Variants in AMN observed in about 807,000 individuals in gnomAD.
AMN encodes amnion associated transmembrane protein.
A neutral mutation model predicts 49.1 loss-of-function variants in AMN; 40 were observed. The observed-to-expected ratio is 0.81, with a 90% confidence interval of 0.63 to 1.06. AMN has a LOEUF of 1.06. Ranked by LOEUF, AMN falls within the 50% of genes least tolerant of loss-of-function variation. AMN has a pLI of 0.00. For missense variants in AMN, 701 were observed against 662.8 expected (o/e 1.06, Z -0.63); for synonymous variants, 380 against 313.3 (o/e 1.21, Z -2.25).
Position 102,923,736 on chromosome 14 carries a change from C to G in AMN, c.69C>G (p.Leu23=). The change falls in exon 2 of 12, where the codon CTC becomes CTG. Residue 23 remains leucine (L), a synonymous_variant. Coordinates refer to ENST00000299155, the MANE Select transcript of AMN (RefSeq NM_030943.4). ...LCALTQAVSK[L]WVPNTDFDVA... The stretch of plus-strand genomic sequence containing the variant: ...CACTGACCCAGGCGGTCTCCAAACT[C>G]TGGGTCCCCAACACGGACTTCGACG... 6.2e-7 allele frequency: 1 copy of G among 1,612,828 alleles called. No homozygotes were observed. The highest frequency in any genetic ancestry group is 8.5e-7 in the Non-Finnish European group (1 of 1,179,880).
intron 3 of AMN, among the ~76,000 whole-genome samples, chr14:102,925,088 G>T (rs941102326): frequency 1.3e-5 from 2 of 152,234 alleles, no homozygotes; most frequent in African/African-American, 4.8e-5. Context: ...TGCAGGCCAA[G>T]CCTCTGGGCA....
chr14:102,923,566 G>C lies in AMN; in HGVS notation c.44-145G>C, dbSNP rs111872449. The stretch of plus-strand genomic sequence containing the variant: ...CACAGTCTGGCCGGGAGGGACCAGG[G>C]TCTGGGTCCGGGCCCCCGGGGATGG... On this transcript the variant is annotated intron_variant, in intron 1 of 11. Coordinates refer to ENST00000299155, the MANE Select transcript of AMN (RefSeq NM_030943.4). The C allele has an allele frequency of 3.9e-4, 305 of 785,904 alleles. No individual in the cohort carries two copies. The African/African-American group carries it at 4.8e-3, about 12-fold the overall frequency. 48.7% of individuals were successfully genotyped at this position (785,904 alleles called of 1,614,324 possible).
intron 3 of AMN, 49 bp downstream of exon 3, chr14:102,924,028 T>C: frequency 1.2e-6 from 2 of 1,612,654 alleles, no homozygotes; most frequent in Non-Finnish European, 1.7e-6. Flanking sequence ...ACAGAGTCTC[T>C]GAAGCGCCTT....
intron 2 of AMN, 35 bp from the exon 3 acceptor site, chr14:102,923,900 G>T (rs768142079): frequency 3.7e-6 from 6 of 1,613,012 alleles, no homozygotes; most frequent in Admixed American, 1.7e-5. Context: ...GGTGGGGGTT[G>T]CTCCCGGCTC....
intron 5 of AMN, 41 bp from the exon 6 acceptor site, chr14:102,929,080 C>A: frequency 6.3e-7 from 1 of 1,597,502 alleles, no homozygotes; most frequent in Non-Finnish European, 8.5e-7. Context: ...GGTGAAGTCT[C>A]TTCCTCGGGC....
At chr14:102,922,891 T>C in intron 1 of AMN, 160 bp downstream of exon 1, 2 of 1,040,800 alleles carry the variant, frequency 1.9e-6, no homozygotes, top group South Asian at 3.2e-5. Flanking sequence ...CTCCCTCGTC[T>C]GGCGAGTGCG....
At chr14:102,928,322 G>A in intron 3 of AMN, 104 bp from the exon 4 acceptor site, 2 of 1,090,414 alleles carry the variant, frequency 1.8e-6, no homozygotes, top group Non-Finnish European at 1.3e-6. Context: ...GGCTCCTTCC[G>A]TGCACAGGGT....
intron 11 of AMN, 25 bp downstream of exon 11, chr14:102,930,518 GGGCCTCCTCGGGGCCGGGACTCGGC>G: frequency 1.3e-6 from 2 of 1,541,098 alleles, no homozygotes; most frequent in South Asian, 2.4e-5. Flanking sequence ...GGGGGGACCG[GGGCCTCCTCGGGGCCGGGACTCGGC>G]GCCGACCGCC....
chr14:102,929,412 CCGCCCCT>C lies in AMN; in HGVS notation c.652-12_652-6del. The C allele has an allele frequency of 6.5e-7, 1 of 1,529,742 alleles. No individual in the cohort carries two copies. Among genetic ancestry groups the C allele is most frequent in the Non-Finnish European group, 8.7e-7 (1 of 1,144,732 alleles). The allele number at this position is 1,529,742 out of a possible 1,614,324, so 94.8% of individuals were successfully genotyped here. The stretch of plus-strand genomic sequence containing the variant: ...CCGCTCTGGCCCTCCGCGCTGACCA[CCGCCCCT>C]CGCACCAGGCGCAGCCGTGGATCTG... On this transcript the variant is annotated splice_polypyrimidine_tract_variant and intron_variant, in intron 6 of 11. Coordinates refer to ENST00000299155, the MANE Select transcript of AMN (RefSeq NM_030943.4).
At chr14:102,923,219 G>A (rs1202100303) in intron 1 of AMN, 1 of 255,560 alleles carries the variant, frequency 3.9e-6, no homozygotes, top group African/African-American at 2.3e-5. Context: ...CCACATTCAG[G>A]GCCGGCCTGA....
intron 3 of AMN, among the ~76,000 whole-genome samples, chr14:102,925,209 T>C (rs542962110): frequency 1.3e-5 from 2 of 152,296 alleles, no homozygotes; most frequent in Non-Finnish European, 1.5e-5. Context: ...GTGAGCTGGG[T>C]CGGGGTGTCG....
Position 102,923,664 on chromosome 14 carries a change from GGAGCATCCCGGA to G in AMN, c.44-35_44-24del, listed in dbSNP as rs530833955. On this transcript the variant is annotated intron_variant, in intron 1 of 11. Coordinates refer to ENST00000299155, the MANE Select transcript of AMN (RefSeq NM_030943.4). The stretch of plus-strand genomic sequence containing the variant: ...TGGGTGGGTGGCCTTCCCTGAGAAG[GGAGCATCCCGGA>G]GAGCATCCCGGGCACTCAGTCGCCT... 26 of 1,535,868 alleles carry G rather than the reference GGAGCATCCCGGA, an allele frequency of 1.7e-5. 1 individual carries two copies. In the South Asian group the frequency reaches 2.1e-4, roughly 13 times the overall value.
chr14:102,925,571 G>A (rs934318452), intron 3 of AMN, among the ~76,000 whole-genome samples: 4 of 152,138 alleles, frequency 2.6e-5, no homozygotes, highest in African/African-American at 9.7e-5. Context: ...AGCTGATGGG[G>A]GACCTGTGGG....
intron 3 of AMN, among the ~76,000 whole-genome samples, chr14:102,924,396 C>T (rs1308085678): frequency 1.3e-5 from 2 of 152,146 alleles, no homozygotes; most frequent in African/African-American, 2.4e-5. Context: ...AGGAAGTGGC[C>T]GCCCAGGAAG....
chr14:102,923,539 C>T, intron 1 of AMN, 172 bp from the exon 2 acceptor site: 1 of 671,098 alleles, frequency 1.5e-6, no homozygotes, highest in East Asian at 2.7e-5. Flanking sequence ...GGGCAGGGCG[C>T]CCACAGTCTG....
Position 102,929,470 on chromosome 14 carries a change from G to A in AMN, c.694G>A (p.Gly232Ser). ...ICAALLQPLG[G>S]RCPQAACHSA... ...CGCGGCCCTGCTCCAGCCCCTGGGCGGCCGCTGCCCCCAGGCCGCCTGCCA... is the reference window on the plus strand; with the variant it reads ...CGCGGCCCTGCTCCAGCCCCTGGGCAGCCGCTGCCCCCAGGCCGCCTGCCA... Residue 232 changes from glycine (G) to serine (S), a missense_variant, in exon 7 of 12, where the codon GGC becomes AGC. Coordinates refer to ENST00000299155, the MANE Select transcript of AMN (RefSeq NM_030943.4). The A allele has an allele frequency of 1.3e-6, 2 of 1,531,502 alleles. No individual in the cohort carries two copies. The highest frequency in any genetic ancestry group is 1.7e-6 in the Non-Finnish European group (2 of 1,145,196). The allele number at this position is 1,531,502 out of a possible 1,614,324, so 94.9% of individuals were successfully genotyped here.
At position 102,923,996 on chromosome 14, in the gene AMN, A is replaced by C; in HGVS notation, c.207+17A>C. The stretch of plus-strand genomic sequence containing the variant: ...TCAGACATGGTAAGGCCGGGCTGCT[A>C]CTGCCACTGGGCTGGGGGTTCACAG... On this transcript the variant is annotated intron_variant, in intron 3 of 11. Coordinates refer to ENST00000299155, the MANE Select transcript of AMN (RefSeq NM_030943.4). 2 of 1,613,212 alleles carry C rather than the reference A, an allele frequency of 1.2e-6. No homozygotes were observed. Among genetic ancestry groups the C allele is most frequent in the Non-Finnish European group, 1.7e-6 (2 of 1,180,016 alleles).
Position 102,930,466 on chromosome 14 carries a change from G to A in AMN, c.1230G>A (p.Val410=). 5.9e-6 allele frequency: 9 copies of A among 1,531,574 alleles called. No homozygotes were observed. The highest frequency in any genetic ancestry group is 7.9e-6 in the Non-Finnish European group (9 of 1,142,236). The allele number at this position is 1,531,574 out of a possible 1,614,324, so 94.9% of individuals were successfully genotyped here. A position where few individuals can be genotyped will look rare whatever the true frequency, so the allele number is the denominator to read the frequency against. ...AGAPLGFRNP[V]FDVTASEELP... The stretch of plus-strand genomic sequence containing the variant: ...CGCCCCTCGGCTTCCGCAACCCGGT[G>A]TTCGACGTGACGGCCTCCGAGGAGC... The change falls in exon 11 of 12, where the codon GTG becomes GTA. Residue 410 remains valine, a synonymous_variant. Transcript: ENST00000299155.
At position 102,930,040 on chromosome 14, in the gene AMN, A is replaced by G. The variant is rs1039600068; in HGVS notation, c.960A>G (p.Gly320=). 2.6e-6 allele frequency: 4 copies of G among 1,549,478 alleles called. No homozygotes were observed. The highest frequency in any genetic ancestry group is 3.5e-6 in the Non-Finnish European group (4 of 1,147,726). Residue 320 remains glycine (G), a synonymous_variant, in exon 9 of 12, where the codon GGA becomes GGG. Transcript: ENST00000299155. ...TGGAGAATGGGCCCGAGACAGGCGG[A>G]GCGGGGCGGCTGGCCCGGGCCCTCC... The part of the protein sequence containing the change: ...VLVENGPETG[G]AGRLARALLA...
Sources: gnomAD v4.1 joint callset for allele counts (sites outside exome capture counted in the v4.1 genomes callset) on GRCh38, gnomAD v4.1.1 for gene constraint, MANE v1.5 for transcripts, NCBI Gene and HGNC (gene_info 2026-07-23, HGNC 2026-07-21) for gene names.